Variants in ZNF124 observed in about 807,000 individuals in gnomAD.
The protein encoded by ZNF124 is zinc finger protein 124.
In ZNF124, 25 loss-of-function variants were observed where a neutral mutation model predicts 26.6. That is an observed-to-expected ratio of 0.94 (90% confidence interval 0.68 to 1.31). The LOEUF (loss-of-function observed/expected upper bound fraction) is 1.31, where lower values mean the gene tolerates loss of function less well. Ranked by LOEUF, ZNF124 falls within the 40% of genes most tolerant of loss-of-function variation. ZNF124 has a pLI of 0.00. For missense variants in ZNF124, 444 were observed against 422.2 expected, an observed-to-expected ratio of 1.05 and a Z score of -0.45; for synonymous variants, 129 against 133.3, an observed-to-expected ratio of 0.97 and a Z score of 0.22.
At chr1:247,161,440 A>C (rs1224429544) in intron 1 of ZNF124, among the ~76,000 whole-genome samples, 1 of 152,166 alleles carries the variant, frequency 6.6e-6, no homozygotes, top group African/African-American at 2.4e-5. Context: ...TTCAAAAGTA[A>C]AAAGTATAAA....
chr1:247,152,390 A>C (rs1326868541), downstream of ZNF124, among the ~76,000 whole-genome samples: 1 of 151,418 alleles, frequency 6.6e-6, no homozygotes, highest in Non-Finnish European at 1.5e-5. Flanking sequence ...AATTTAGTAC[A>C]AAAGATAAAA....
intron 3 of ZNF124, among the ~76,000 whole-genome samples, chr1:247,125,135 T>C (rs571019330): frequency 6.6e-6 from 1 of 152,310 alleles, no homozygotes; most frequent in African/African-American, 2.4e-5. Context: ...TAAGATTTCA[T>C]TGCAAGGATA....
intron 3 of ZNF124, among the ~76,000 whole-genome samples, chr1:247,127,539 C>A (rs1487182886): frequency 3.0e-5 from 4 of 131,662 alleles, no homozygotes; most frequent in Non-Finnish European, 6.6e-5. Context: ...GAAATGAAAT[C>A]CACAGGCAGA....
At chr1:247,125,430 C>CTTTTTTTTTGTTTTTTTTTTTTTTTT (rs1672188460) in intron 3 of ZNF124, among the ~76,000 whole-genome samples, 1 of 43,306 alleles carries the variant, frequency 2.3e-5, no homozygotes, top group Non-Finnish European at 4.3e-5. Flanking sequence ...CTGTTTTTGT[C>CTTTTTTTTTGTTTTTTTTTTTTTTTT]TTTTTTTTTT....
intron 3 of ZNF124, among the ~76,000 whole-genome samples, chr1:247,132,302 C>G (rs1672386024): frequency 6.6e-6 from 1 of 152,156 alleles, no homozygotes; most frequent in Non-Finnish European, 1.5e-5. Context: ...AGCCTCAAAA[C>G]TGAAGCTAGA....
rs776433220 is a variant in ZNF124, at chr1:247,170,358, G to A, written c.30+1490C>T. The stretch of plus-strand genomic sequence containing the variant: ...TGTTGTAAATTGGAGAGGTGAAGTT[G>A]GAGTTTGAGAGTATGAGGAAGAAAC... On this transcript the variant is annotated intron_variant, in intron 1 of 3. Coordinates refer to ENST00000543802, the MANE Select transcript of ZNF124 (RefSeq NM_001297568.2). Among the ~76,000 whole-genome samples, 23 of 147,232 alleles carry A rather than the reference G, an allele frequency of 1.6e-4. 1 individual carries two copies. The highest frequency in any genetic ancestry group is 2.9e-4 in the Non-Finnish European group (19 of 66,096).
chr1:247,126,416 G>A (rs528559798), intron 3 of ZNF124, among the ~76,000 whole-genome samples: 2 of 38,920 alleles, frequency 5.1e-5, no homozygotes, highest in East Asian at 9.7e-4. Context: ...GGCGGCTTCC[G>A]GGTGTGCCCG....
intron 1 of ZNF124, among the ~76,000 whole-genome samples, chr1:247,162,229 G>A (rs764100493): frequency 1.3e-5 from 2 of 151,198 alleles, no homozygotes; most frequent in African/African-American, 2.4e-5. Context: ...ACTAGCTAAC[G>A]ACACAATAAC....
chr1:247,145,306 G>A (rs1367223099), intron 3 of ZNF124, among the ~76,000 whole-genome samples: 2 of 151,950 alleles, frequency 1.3e-5, no homozygotes, highest in East Asian at 3.8e-4. Context: ...AACGTTGTCA[G>A]AGTGCAAATG....
chr1:247,156,621 C>T lies in ZNF124; in HGVS notation c.1001G>A (p.Trp334Ter). 6 of 1,575,136 alleles carry T rather than the reference C, an allele frequency of 3.8e-6. No homozygotes were observed. Among genetic ancestry groups the T allele is most frequent in the Non-Finnish European group, 4.3e-6 (5 of 1,167,400 alleles). The change falls in exon 4 of 4, where the codon TGG becomes TAG. Residue 334 changes from tryptophan to a stop codon, truncating the protein, a stop_gained. Coordinates refer to ENST00000543802, the MANE Select transcript of ZNF124 (RefSeq NM_001297568.2). LOFTEE classifies it high-confidence loss of function. ...TCCAGTATGAGTTTTTTTATGCTTC[C>T]AAAGGGTACTAGCACGACTAAAGGC... ...GKAFSRASTL[W>*]KHKKTHTGEK...
chr1:247,142,857 ATATAT>A (rs1672663439), intron 3 of ZNF124, among the ~76,000 whole-genome samples: 1 of 148,274 alleles, frequency 6.7e-6, no homozygotes, highest in Non-Finnish European at 1.5e-5. Flanking sequence ...TTTTTTTTAC[ATATAT>A]TCTATTGGCA....
At chr1:247,137,290 T>C (rs1004387719) in intron 3 of ZNF124, among the ~76,000 whole-genome samples, 1 of 150,236 alleles carries the variant, frequency 6.7e-6, no homozygotes, top group African/African-American at 2.5e-5. Context: ...TATACCAAAA[T>C]TAACTCAAGA....
intron 3 of ZNF124, among the ~76,000 whole-genome samples, chr1:247,132,356 A>T (rs1488761200): frequency 6.6e-6 from 1 of 152,148 alleles, no homozygotes; most frequent in Non-Finnish European, 1.5e-5. Context: ...AAATGCTGAA[A>T]ACCCAAAAGG....
intron 1 of ZNF124, among the ~76,000 whole-genome samples, chr1:247,162,570 T>C (rs1285272550): frequency 2.0e-5 from 3 of 148,442 alleles, no homozygotes; most frequent in African/African-American, 7.5e-5. Context: ...CATTAAGCAA[T>C]GTATGACTGT....
At chr1:247,164,095 C>G (rs963502675) in intron 1 of ZNF124, among the ~76,000 whole-genome samples, 1 of 152,110 alleles carries the variant, frequency 6.6e-6, no homozygotes, top group African/African-American at 2.4e-5. Context: ...ATTTCAACAT[C>G]CCTTCATGTT....
downstream of ZNF124, among the ~76,000 whole-genome samples, chr1:247,151,347 C>G (rs992435644): frequency 6.6e-6 from 1 of 151,928 alleles, no homozygotes; most frequent in Non-Finnish European, 1.5e-5. Context: ...GGCGTGGTGG[C>G]GGGCGCCTGT....
At chr1:247,149,149 AAGAC>A (rs1194939782) in intron 3 of ZNF124, among the ~76,000 whole-genome samples, 6 of 152,218 alleles carry the variant, frequency 3.9e-5, no homozygotes, top group African/African-American at 9.6e-5. Flanking sequence ...AATCCTGAAA[AAGAC>A]AGCCCAGAAG....
chr1:247,125,987 G>A (rs1672209025), intron 3 of ZNF124, among the ~76,000 whole-genome samples: 1 of 151,886 alleles, frequency 6.6e-6, no homozygotes, highest in African/African-American at 2.4e-5. Flanking sequence ...TAATAGTCCA[G>A]GCACAGTGGC....
intron 1 of ZNF124, among the ~76,000 whole-genome samples, chr1:247,160,371 T>C (rs886801662): frequency 2.0e-5 from 3 of 152,146 alleles, no homozygotes; most frequent in Non-Finnish European, 4.4e-5. Context: ...GGGAGTAATA[T>C]TTGCTGTTAT....
Sources: gnomAD v4.1 joint callset for allele counts (sites outside exome capture counted in the v4.1 genomes callset) on GRCh38, gnomAD v4.1.1 for gene constraint, MANE v1.5 for transcripts, NCBI Gene and HGNC (gene_info 2026-07-23, HGNC 2026-07-21) for gene names.